The following ADGRL2 variants were observed in gnomAD, a reference collection of about 807,000 sequenced individuals.
The protein encoded by ADGRL2 is calcium-independent alpha-latrotoxin receptor 2.
ADGRL2 carries 44 observed loss-of-function variants against 157.4 expected under a neutral mutation model. That is an observed-to-expected ratio of 0.28 (90% CI 0.22 to 0.36). The LOEUF is 0.36. ADGRL2 is among the 10% of genes least tolerant of loss of function. ADGRL2 has a pLI of 1.00. For synonymous variants in ADGRL2, 585 were observed against 624.7 expected, an observed-to-expected ratio of 0.94 and a Z score of 0.95; for missense variants, 1,510 against 1,768.9, an observed-to-expected ratio of 0.85 and a Z score of 2.63.
At chr1:81,561,737 G>A (rs1325479721) in intron 2 of ADGRL2, among the ~76,000 whole-genome samples, 1 of 151,974 alleles carries the variant, frequency 6.6e-6, no homozygotes, top group Non-Finnish European at 1.5e-5. Context: ...TAGGATTATA[G>A]GTGTGAGCCA....
intron 3 of ADGRL2, among the ~76,000 whole-genome samples, chr1:81,600,046 A>G (rs1331202128): frequency 2.0e-5 from 3 of 152,204 alleles, no homozygotes; most frequent in Non-Finnish European, 2.9e-5. Context: ...TTGTATTTAC[A>G]TGCCTTTTTA....
chr1:81,922,014 C>T (rs772845034), intron 3 of ADGRL2, among the ~76,000 whole-genome samples: 9 of 152,088 alleles, frequency 5.9e-5, no homozygotes, highest in Non-Finnish European at 1.2e-4. Flanking sequence ...TAAGGTAGAG[C>T]GTTATGCAGT....
At chr1:81,389,668 C>G (rs12139309) in intron 1 of ADGRL2, among the ~76,000 whole-genome samples, 4,103 of 152,234 alleles carry the variant, frequency 0.027, 87 homozygotes, top group Middle Eastern at 0.089. Context: ...GGAAAGTCAT[C>G]TAACCTATTC....
chr1:81,721,700 C>T, intron 1 of ADGRL2: 3 of 1,349,624 alleles, frequency 2.2e-6, no homozygotes, highest in Non-Finnish European at 3.1e-6. Flanking sequence ...ACCATGGACC[C>T]CCCGCAAAGT....
At chr1:81,473,055 G>T (rs1056843633) in intron 2 of ADGRL2, among the ~76,000 whole-genome samples, 2 of 133,650 alleles carry the variant, frequency 1.5e-5, no homozygotes, top group Non-Finnish European at 3.4e-5. Context: ...ATGGATCAAT[G>T]TAAGCAAATT....
intron 3 of ADGRL2, among the ~76,000 whole-genome samples, chr1:81,644,228 A>T (rs1386743994): frequency 1.3e-5 from 2 of 152,226 alleles, no homozygotes; most frequent in South Asian, 4.1e-4. Context: ...CTCAAAATGG[A>T]TCATCAATCT....
At chr1:81,614,090 G>A (rs1413990995) in intron 3 of ADGRL2, among the ~76,000 whole-genome samples, 1 of 151,994 alleles carries the variant, frequency 6.6e-6, no homozygotes, top group African/African-American at 2.4e-5. Flanking sequence ...AGTTCAATAC[G>A]GCAATTGTTA....
At chr1:81,538,901 G>T (rs546808439) in intron 2 of ADGRL2, among the ~76,000 whole-genome samples, 146 of 151,816 alleles carry the variant, frequency 9.6e-4, no homozygotes, top group Non-Finnish European at 1.7e-3. Flanking sequence ...CCAGCTACTT[G>T]GGAGGTTGAG....
At chr1:81,503,877 C>A (rs1183314943) in intron 2 of ADGRL2, among the ~76,000 whole-genome samples, 1 of 152,212 alleles carries the variant, frequency 6.6e-6, no homozygotes, top group African/African-American at 2.4e-5. Flanking sequence ...ACCCCAGGGC[C>A]ACTAGTCTCT....
rs191397529 is a variant in ADGRL2, at chr1:81,749,815, G to A, written c.-142-11996G>A. Among the ~76,000 whole-genome samples, 668 of 152,228 alleles carry A rather than the reference G, an allele frequency of 4.4e-3. 10 individuals are homozygous for A. Among genetic ancestry groups the A allele is most frequent in the African/African-American group, 0.016 (646 of 41,548 alleles). On this transcript the variant is annotated intron_variant, in intron 1 of 20. Transcript: ENST00000359929. ...GTAATATATAAGTATGGGAATTAGAGTAAAATTCATACTGACTTCATGACT... is the reference window on the plus strand; with the variant it reads ...GTAATATATAAGTATGGGAATTAGAATAAAATTCATACTGACTTCATGACT...
intron 1 of ADGRL2, among the ~76,000 whole-genome samples, chr1:81,808,394 G>T (rs561719264): frequency 6.6e-6 from 1 of 151,910 alleles, no homozygotes; most frequent in African/African-American, 2.4e-5. Context: ...GGATATTGGC[G>T]CCAGTTTTGA....
chr1:81,502,990 C>A lies in ADGRL2; in HGVS notation c.-248+57901C>A, dbSNP rs1017702360. 41 of 1,613,280 alleles carry A rather than the reference C, an allele frequency of 2.5e-5. No individual in the cohort carries two copies. The South Asian group carries it at 4.1e-4, about 16-fold the overall frequency. On this transcript the variant is annotated intron_variant, in intron 2 of 24. Transcript: ENST00000370721. The stretch of plus-strand genomic sequence containing the variant: ...AGTGACAACAGTGGCTGTGCCAAAT[C>A]GTCTGGCTGTGCCCGTGACCTTGGC...
intron 2 of ADGRL2, among the ~76,000 whole-genome samples, chr1:81,470,685 A>G (rs1478006618): frequency 6.6e-6 from 1 of 152,198 alleles, no homozygotes; most frequent in African/African-American, 2.4e-5. Flanking sequence ...TTTCTGAACT[A>G]TTGAACACAC....
At chr1:81,390,940 G>C (rs1162660130) in intron 1 of ADGRL2, among the ~76,000 whole-genome samples, 3 of 152,300 alleles carry the variant, frequency 2.0e-5, no homozygotes, top group Non-Finnish European at 2.9e-5. Flanking sequence ...AACTGCTTTT[G>C]CAGCTGCTGC....
At chr1:81,487,364 G>T (rs1451816966) in intron 2 of ADGRL2, among the ~76,000 whole-genome samples, 1 of 152,112 alleles carries the variant, frequency 6.6e-6, no homozygotes, top group Non-Finnish European at 1.5e-5. Context: ...TATATTGAAG[G>T]CCAGGTGTGG....
chr1:81,766,738 G>A (rs945915314), intron 2 of ADGRL2, among the ~76,000 whole-genome samples: 3 of 148,892 alleles, frequency 2.0e-5, no homozygotes, highest in South Asian at 2.1e-4. Flanking sequence ...GCTGAGGCAC[G>A]AGAATCACTT....
At chr1:81,665,916 A>T (rs190482171) in intron 3 of ADGRL2, among the ~76,000 whole-genome samples, 1 of 152,240 alleles carries the variant, frequency 6.6e-6, no homozygotes, top group African/African-American at 2.4e-5. Flanking sequence ...CTGAGAGAAA[A>T]GTGTTCTCGT....
chr1:81,720,185 T>C (rs1271896189), intron 1 of ADGRL2, among the ~76,000 whole-genome samples: 2 of 92,672 alleles, frequency 2.2e-5, no homozygotes, highest in African/African-American at 8.3e-5. Flanking sequence ...TTTTCTTTTC[T>C]TTTTTTTTTT....
At chr1:81,338,109 T>A (rs1021021304) in intron 1 of ADGRL2, among the ~76,000 whole-genome samples, 2 of 152,168 alleles carry the variant, frequency 1.3e-5, no homozygotes, top group South Asian at 2.1e-4. Context: ...ACACCTGTAA[T>A]CCCAGCACGT....
Sources: gnomAD v4.1 joint callset for allele counts (sites outside exome capture counted in the v4.1 genomes callset) on GRCh38, gnomAD v4.1.1 for gene constraint, MANE v1.5 for transcripts, NCBI Gene and HGNC (gene_info 2026-07-23, HGNC 2026-07-21) for gene names.